The following CPNE8 variants were observed in gnomAD, a reference collection of about 807,000 sequenced individuals.
CPNE8 encodes the protein copine-8.
Under a neutral mutation model 81.5 loss-of-function variants are expected in CPNE8, and 45 were observed. That is an observed-to-expected ratio of 0.55 (90% CI 0.44 to 0.71). The LOEUF (loss-of-function observed/expected upper bound fraction) is 0.71. Ranked by LOEUF, CPNE8 falls within the 30% of genes least tolerant of loss-of-function variation. The probability of loss-of-function intolerance (pLI) is 0.00; values close to 1 mark genes in which losing one functional copy is unlikely to be tolerated. For missense variants in CPNE8, 594 were observed against 672.1 expected, an observed-to-expected ratio of 0.88 and a Z score of 1.28; for synonymous variants, 252 against 226.3, an observed-to-expected ratio of 1.11 and a Z score of -1.02.
chr12:38,706,150 C>G (rs1302588360), intron 13 of CPNE8, among the ~76,000 whole-genome samples: 1 of 151,984 alleles, frequency 6.6e-6, no homozygotes, highest in Non-Finnish European at 1.5e-5. Context: ...TAAATATTTG[C>G]AAACTTTCTG....
chr12:38,808,849 A>C (rs1196511768), intron 6 of CPNE8, among the ~76,000 whole-genome samples: 2 of 152,090 alleles, frequency 1.3e-5, no homozygotes, highest in East Asian at 3.9e-4. Context: ...AAAATGGGCA[A>C]AGTTATAAAC....
intron 18 of CPNE8, among the ~76,000 whole-genome samples, chr12:38,673,122 T>G (rs2136645672): frequency 6.6e-6 from 1 of 152,212 alleles, no homozygotes; most frequent in South Asian, 2.1e-4. Flanking sequence ...GATCTTATGG[T>G]TTTATAAATG....
chr12:38,692,953 C>T (rs866140623), intron 15 of CPNE8, among the ~76,000 whole-genome samples: 3 of 151,958 alleles, frequency 2.0e-5, no homozygotes, highest in Middle Eastern at 6.3e-3. Flanking sequence ...GATTACTCAC[C>T]CTGGGAAAGC....
At chr12:38,769,973 A>C (rs1344971919) in intron 7 of CPNE8, among the ~76,000 whole-genome samples, 2 of 152,216 alleles carry the variant, frequency 1.3e-5, no homozygotes, top group African/African-American at 4.8e-5. Flanking sequence ...ATTTGTATTA[A>C]GCACAAAATA....
chr12:38,796,736 G>C (rs1942485998), intron 6 of CPNE8, among the ~76,000 whole-genome samples: 2 of 152,064 alleles, frequency 1.3e-5, no homozygotes, highest in African/African-American at 4.8e-5. Context: ...GCCAAAGCAG[G>C]GTGAGGAATT....
At chr12:38,860,641 A>T (rs1370871476) in intron 3 of CPNE8, among the ~76,000 whole-genome samples, 1 of 152,084 alleles carries the variant, frequency 6.6e-6, no homozygotes, top group Non-Finnish European at 1.5e-5. Context: ...AATAGTCTAC[A>T]TACCATGGGA....
At chr12:38,865,540 T>C (rs1943901697) in intron 3 of CPNE8, among the ~76,000 whole-genome samples, 2 of 152,178 alleles carry the variant, frequency 1.3e-5, no homozygotes, top group African/African-American at 4.8e-5. Context: ...TCTATGTATA[T>C]AAAAGGCTTA....
intron 10 of CPNE8, among the ~76,000 whole-genome samples, chr12:38,748,264 G>A (rs954142923): frequency 3.3e-5 from 5 of 152,050 alleles, no homozygotes; most frequent in Non-Finnish European, 7.4e-5. Flanking sequence ...GCCTGCCGCA[G>A]CCTCCCAAAG....
At chr12:38,681,144 T>C (rs571498128) in intron 16 of CPNE8, among the ~76,000 whole-genome samples, 30 of 152,060 alleles carry the variant, frequency 2.0e-4, no homozygotes, top group Non-Finnish European at 4.3e-4. Context: ...TAAGCTGGTA[T>C]AATATACCAA....
chr12:38,750,028 A>T (rs1941318234), intron 10 of CPNE8, among the ~76,000 whole-genome samples: 1 of 152,122 alleles, frequency 6.6e-6, no homozygotes, highest in African/African-American at 2.4e-5. Context: ...GGTTGGGCCC[A>T]GGGTCACTGT....
intron 14 of CPNE8, among the ~76,000 whole-genome samples, chr12:38,701,347 G>A (rs10875979): frequency 0.41 from 62,120 of 151,898 alleles, 13,430 homozygotes; most frequent in African/African-American, 0.47. Flanking sequence ...TCAAGTCAAT[G>A]TTTCTTCTCA....
intron 6 of CPNE8, among the ~76,000 whole-genome samples, chr12:38,799,774 C>G (rs1444420978): frequency 7.0e-6 from 1 of 142,570 alleles, no homozygotes; most frequent in East Asian, 2.0e-4. Context: ...GAGTGCCAGA[C>G]AGTGGGCGCA....
chr12:38,799,996 A>G (rs1438458358), intron 6 of CPNE8, among the ~76,000 whole-genome samples: 37 of 145,574 alleles, frequency 2.5e-4, no homozygotes, highest in Admixed American at 7.0e-4. Flanking sequence ...CACCTGGCTC[A>G]GAGGGTCCTA....
intron 16 of CPNE8, among the ~76,000 whole-genome samples, chr12:38,683,351 T>C (rs1378216153): frequency 3.3e-5 from 5 of 152,172 alleles, no homozygotes; most frequent in African/African-American, 1.2e-4. Flanking sequence ...TTAATGATAA[T>C]ATATTAACAT....
intron 13 of CPNE8, among the ~76,000 whole-genome samples, chr12:38,712,374 T>G (rs564023125): frequency 6.6e-6 from 1 of 151,956 alleles, no homozygotes; most frequent in Non-Finnish European, 1.5e-5. Flanking sequence ...CACACCCAAC[T>G]ATTATATTTT....
chr12:38,735,276 T>TTC (rs1940927040), intron 10 of CPNE8, among the ~76,000 whole-genome samples: 1 of 152,072 alleles, frequency 6.6e-6, no homozygotes. Flanking sequence ...CCCCTTGGAC[T>TTC]GAAATGTAGT....
At chr12:38,870,424 A>T (rs1289519795) in intron 3 of CPNE8, among the ~76,000 whole-genome samples, 2 of 152,208 alleles carry the variant, frequency 1.3e-5, no homozygotes, top group Non-Finnish European at 2.9e-5. Flanking sequence ...TGGATAAAGA[A>T]AATGTGGCAC....
chr12:38,801,801 G>A (rs987523593), intron 6 of CPNE8, among the ~76,000 whole-genome samples: 45 of 107,854 alleles, frequency 4.2e-4, no homozygotes, highest in Admixed American at 2.4e-3. Flanking sequence ...CCAAATAAAA[G>A]GATGGAGGAA....
In CPNE8 at chr12:38,851,065, T is replaced by C. The variant is rs528077942; in HGVS notation, c.187-2403A>G. Among the ~76,000 whole-genome samples, 3 of 152,334 alleles carry C rather than the reference T, an allele frequency of 2.0e-5. No homozygotes were observed. In the East Asian group the frequency reaches 5.8e-4, roughly 29 times the overall value. On this transcript the variant is annotated intron_variant, in intron 3 of 19. Coordinates refer to ENST00000331366, the MANE Select transcript of CPNE8 (RefSeq NM_153634.3). ...CTTCCACCATGTGATACAGCAAGAA[T>C]GCCCTCACCAGATGCCAGCGCCTTG... is the stretch of plus-strand genomic sequence containing the variant.
Sources: gnomAD v4.1 joint callset for allele counts (sites outside exome capture counted in the v4.1 genomes callset) on GRCh38, gnomAD v4.1.1 for gene constraint, MANE v1.5 for transcripts, NCBI Gene and HGNC (gene_info 2026-07-23, HGNC 2026-07-21) for gene names.